APOOL: variants seen among roughly 807,000 people sequenced by gnomAD.
APOOL encodes the protein apolipoprotein O like, also known as MICOS complex subunit MIC27.
A neutral mutation model predicts 23.1 loss-of-function variants in APOOL; 12 were observed. The ratio of observed to expected loss-of-function variants is 0.52; its 90% CI spans 0.33 to 0.84. APOOL has a LOEUF of 0.84. Among genes scored for constraint, APOOL ranks in the 40% least tolerant of loss-of-function variants. APOOL has a pLI of 0.02. For missense variants in APOOL, 212 were observed against 199.6 expected (o/e 1.06, Z -0.37); for synonymous variants, 77 against 69.9 (o/e 1.10, Z -0.51).
chrX:85,077,920 A>G (rs1160335368), intron 8 of APOOL, among the ~76,000 whole-genome samples: 47 of 111,245 alleles, frequency 4.2e-4, no homozygotes, highest in Non-Finnish European at 7.9e-4. Context: ...CATATCCTTT[A>G]CCCACTTTTT....
intron 8 of APOOL, among the ~76,000 whole-genome samples, chrX:85,076,393 G>A (rs1230349830): frequency 1.8e-5 from 2 of 108,516 alleles, no homozygotes; most frequent in Non-Finnish European, 3.8e-5. Context: ...GACTTGAATC[G>A]AAATCCCAGA....
intron 8 of APOOL, among the ~76,000 whole-genome samples, chrX:85,078,743 T>G (rs1923959617): frequency 9.0e-6 from 1 of 111,533 alleles, no homozygotes; most frequent in Non-Finnish European, 1.9e-5. Flanking sequence ...TTCTTCCATT[T>G]ATTTGTGTCC....
At chrX:85,081,109 T>A (rs1195191830) in intron 8 of APOOL, among the ~76,000 whole-genome samples, 1 of 111,734 alleles carries the variant, frequency 8.9e-6, no homozygotes, top group African/African-American at 3.3e-5. Context: ...GTTAATATTG[T>A]TATGTGTGAA....
chrX:85,069,533 C>T (rs999114348), intron 6 of APOOL, among the ~76,000 whole-genome samples: 1 of 104,899 alleles, frequency 9.5e-6, no homozygotes, highest in South Asian at 4.5e-4. Flanking sequence ...TCACATGAAC[C>T]CAGGTGGCGG....
At chrX:85,036,912 G>T (rs1211696170) in intron 1 of APOOL, among the ~76,000 whole-genome samples, 1 of 110,546 alleles carries the variant, frequency 9.0e-6, no homozygotes, top group Non-Finnish European at 1.9e-5. Flanking sequence ...GCATCCTCAT[G>T]TATTAGCTCT....
intron 8 of APOOL, among the ~76,000 whole-genome samples, chrX:85,083,863 T>C (rs576715275): frequency 8.9e-6 from 1 of 112,045 alleles, no homozygotes; most frequent in East Asian, 2.8e-4. Context: ...TGCTGTCTTA[T>C]AACTTTAAAC....
In APOOL at chrX:85,092,560, A is replaced by C; in HGVS notation, c.*4882A>C. On this transcript the variant is annotated 3_prime_UTR_variant, in exon 9 of 9. Transcript: ENST00000373173. ...GCAGTTACATTGAGTTGTGATGGCT[A>C]TCTGTTTAAAAACAAACAAGCAAAT... The C allele has an allele frequency of 8.3e-7, 1 of 1,200,896 alleles. No homozygotes were observed. Among genetic ancestry groups the C allele is most frequent in the African/African-American group, 1.7e-5 (1 of 57,521 alleles).
chrX:85,010,366 T>A (rs190827019), intron 1 of APOOL, among the ~76,000 whole-genome samples: 22 of 111,990 alleles, frequency 2.0e-4, no homozygotes, highest in South Asian at 7.4e-4. Flanking sequence ...TTAAAAAAAA[T>A]TTTAATAGAT....
At position 85,087,718 on chromosome X, in the gene APOOL, T is replaced by C; in HGVS notation, c.*40T>C. The C allele has an allele frequency of 9.6e-7, 1 of 1,042,735 alleles. No individual in the cohort carries two copies. The allele number at this position is 1,042,735 out of a possible 1,213,427, so 85.9% of individuals were successfully genotyped here. On this transcript the variant is annotated 3_prime_UTR_variant, in exon 9 of 9. Coordinates refer to ENST00000373173, the MANE Select transcript of APOOL (RefSeq NM_198450.6). ...AGAGACTACACAGAAAACTACAAGA[T>C]GTGTGGCGTTGCAAATAATGATGAA...
rs759976062 is a variant in APOOL at position 85,006,569 on chromosome X, A to C, written c.15+2642A>C. 1.0e-3 allele frequency among the ~76,000 whole-genome samples: 112 copies of C among 110,472 alleles called. 1 individual carries two copies. The highest frequency in any genetic ancestry group is 3.3e-3 in the African/African-American group (99 of 30,439). ...GGTGTCTTTTAATTAAAAAAAAAAA[A>C]AACTAAAAACAAAACAGGAGACAGA... On this transcript the variant is annotated intron_variant, in intron 1 of 8. Coordinates refer to ENST00000373173, the MANE Select transcript of APOOL (RefSeq NM_198450.6).
chrX:85,027,787 A>C (rs1484186713), intron 1 of APOOL, among the ~76,000 whole-genome samples: 1 of 112,120 alleles, frequency 8.9e-6, no homozygotes. Flanking sequence ...ATGCATATCA[A>C]TTTGTTGTAA....
intron 8 of APOOL, among the ~76,000 whole-genome samples, chrX:85,084,135 T>C (rs1438760881): frequency 5.2e-5 from 4 of 76,311 alleles, no homozygotes; most frequent in African/African-American, 1.6e-4. Context: ...GAGATGAAGC[T>C]TTTTTTTTTT....
At chrX:85,006,391 G>A (rs756956940) in intron 1 of APOOL, among the ~76,000 whole-genome samples, 65 of 110,920 alleles carry the variant, frequency 5.9e-4, no homozygotes, top group Non-Finnish European at 1.1e-3. Context: ...ACCACTAAGT[G>A]GAAGAACTAG....
At chrX:85,019,704 G>A (rs983500247) in intron 1 of APOOL, among the ~76,000 whole-genome samples, 1 of 111,651 alleles carries the variant, frequency 9.0e-6, no homozygotes, top group Non-Finnish European at 1.9e-5. Context: ...ACATGGTCTT[G>A]TGCAGATCAT....
At chrX:85,025,984 T>G (rs1921829595) in intron 1 of APOOL, among the ~76,000 whole-genome samples, 1 of 113,279 alleles carries the variant, frequency 8.8e-6, no homozygotes, top group South Asian at 3.6e-4. Context: ...CTCCAACCCT[T>G]GGCACTGCCA....
At chrX:85,086,204 T>C (rs1342265610) in intron 8 of APOOL, among the ~76,000 whole-genome samples, 1 of 111,122 alleles carries the variant, frequency 9.0e-6, no homozygotes, top group Non-Finnish European at 1.9e-5. Flanking sequence ...CCTTCCTCCT[T>C]CAATCTCTTC....
chrX:85,034,904 A>C (rs1922162983), intron 1 of APOOL, among the ~76,000 whole-genome samples: 1 of 112,120 alleles, frequency 8.9e-6, no homozygotes, highest in Non-Finnish European at 1.9e-5. Context: ...GGTATCGTGA[A>C]TAGTGCTGTG....
At chrX:85,058,487 G>C (rs1483298645) in intron 5 of APOOL, among the ~76,000 whole-genome samples, 1 of 111,521 alleles carries the variant, frequency 9.0e-6, no homozygotes, top group Non-Finnish European at 1.9e-5. Context: ...ATGGACATTT[G>C]GGTTGATTTC....
At position 85,020,243 on chromosome X, in the gene APOOL, A is replaced by G. The variant is rs142663374; in HGVS notation, c.15+16316A>G. Among the ~76,000 whole-genome samples, 92 of 111,733 alleles carry G rather than the reference A, an allele frequency of 8.2e-4. 1 individual carries two copies. The highest frequency in any genetic ancestry group is 2.8e-3 in the African/African-American group (86 of 30,742). On this transcript the variant is annotated intron_variant, in intron 1 of 8. Transcript: ENST00000373173. ...CGAAGATCCCTCCATATACGAAATG[A>G]CCTTTATAGGAGCTAAGGAAACCAA...
Sources: allele counts gnomAD v4.1 joint callset (sites outside exome capture counted in the v4.1 genomes callset), GRCh38; gene constraint gnomAD v4.1.1; transcripts MANE v1.5; gene names NCBI Gene and HGNC (gene_info 2026-07-23, HGNC 2026-07-21).